Variants in LARP4B observed in about 807,000 individuals in gnomAD.
LARP4B encodes La ribonucleoprotein 4B.
LARP4B carries 12 observed loss-of-function variants against 89.8 expected under a neutral mutation model. The observed-to-expected ratio is 0.13, with a 90% CI of 0.09 to 0.22. LARP4B has a LOEUF of 0.22. Ranked by LOEUF, LARP4B falls within the 10% of genes least tolerant of loss-of-function variation. The pLI is 1.00. For synonymous variants in LARP4B, 367 were observed against 363.3 expected (o/e 1.01, Z -0.12); for missense variants, 757 against 947.7 (o/e 0.80, Z 2.64).
the LARP4B span, among the ~76,000 whole-genome samples, chr10:983,565 C>A: frequency 2.6e-5 from 4 of 152,168 alleles, no homozygotes; most frequent in African/African-American, 9.7e-5. Flanking sequence ...CTCACATGGT[C>A]TCTCCTTGGT....
chr10:906,688 T>C (rs1836502250), intron 1 of LARP4B, among the ~76,000 whole-genome samples: 1 of 152,266 alleles, frequency 6.6e-6, no homozygotes, highest in Admixed American at 6.5e-5. Flanking sequence ...GAACACCTTA[T>C]GATCCTGCAG....
At chr10:843,176 G>C in intron 6 of LARP4B, 108 bp from the exon 7 acceptor site, 1 of 1,009,712 alleles carries the variant, frequency 9.9e-7, no homozygotes. Flanking sequence ...GTATTGCTTT[G>C]GAGTTAAATC....
At chr10:892,588 G>A (rs975411556) in intron 1 of LARP4B, among the ~76,000 whole-genome samples, 4 of 151,718 alleles carry the variant, frequency 2.6e-5, no homozygotes, top group African/African-American at 9.7e-5. Flanking sequence ...TGCGCAGGCT[G>A]GAGTGCAGTG....
intron 1 of LARP4B, among the ~76,000 whole-genome samples, chr10:909,976 T>A (rs1022320406): frequency 6.6e-6 from 1 of 152,108 alleles, no homozygotes; most frequent in African/African-American, 2.4e-5. Context: ...GAAAAACAGC[T>A]TAGTGCAGTT....
At chr10:879,532 C>G (rs911186999) in intron 3 of LARP4B, among the ~76,000 whole-genome samples, 1 of 152,220 alleles carries the variant, frequency 6.6e-6, no homozygotes, top group African/African-American at 2.4e-5. Flanking sequence ...GGGTCTCCCT[C>G]TGTCACCCAG....
the LARP4B span, among the ~76,000 whole-genome samples, chr10:978,308 T>G: frequency 6.6e-6 from 1 of 152,230 alleles, no homozygotes; most frequent in African/African-American, 2.4e-5. Flanking sequence ...GAAACGAGTT[T>G]CTCTTTGTAA....
chr10:821,714 C>G (rs1832360046), intron 13 of LARP4B, among the ~76,000 whole-genome samples: 1 of 152,250 alleles, frequency 6.6e-6, no homozygotes, highest in African/African-American at 2.4e-5. Context: ...AAAAACTAGT[C>G]TTGCCTAAGA....
Position 858,184 on chromosome 10 carries a change from C to A in LARP4B, c.430+5559G>T, listed in dbSNP as rs1458870355. Among the ~76,000 whole-genome samples, 11 of 152,160 alleles carry A rather than the reference C, an allele frequency of 7.2e-5. No individual in the cohort carries two copies. The East Asian group carries it at 2.1e-3, about 29-fold the overall frequency. ...CAGTTAAAATTCCAGGCTTTCCCTG[C>A]GGTGGCCTATTAGACACACAGCCCA... is the stretch of plus-strand genomic sequence containing the variant. On this transcript the variant is annotated intron_variant, in intron 5 of 17. Coordinates refer to ENST00000316157, the MANE Select transcript of LARP4B (RefSeq NM_015155.3).
At chr10:857,167 G>C (rs1320127489) in intron 5 of LARP4B, among the ~76,000 whole-genome samples, 1 of 152,138 alleles carries the variant, frequency 6.6e-6, no homozygotes, top group Admixed American at 6.5e-5. Context: ...AGCAGAGCAA[G>C]CATTAGAACC....
At chr10:894,366 T>C (rs1836127491) in intron 1 of LARP4B, among the ~76,000 whole-genome samples, 1 of 152,204 alleles carries the variant, frequency 6.6e-6, no homozygotes, top group Non-Finnish European at 1.5e-5. Flanking sequence ...ATCCAAAATG[T>C]AGGCAAGAAA....
chr10:972,854 A>G, the LARP4B span: 2 of 456,908 alleles, frequency 4.4e-6, no homozygotes, highest in South Asian at 3.1e-5. Context: ...TTGGCATTAC[A>G]GAGAATGCTG....
intron 5 of LARP4B, among the ~76,000 whole-genome samples, chr10:857,703 T>G (rs1834380504): frequency 6.6e-6 from 1 of 152,216 alleles, no homozygotes; most frequent in Admixed American, 6.5e-5. Context: ...TCCTGCTGCC[T>G]GGTTAGTCTG....
intron 1 of LARP4B, among the ~76,000 whole-genome samples, chr10:910,376 G>A (rs769018971): frequency 1.3e-5 from 2 of 152,102 alleles, no homozygotes; most frequent in Admixed American, 6.5e-5. Context: ...GCTGACATAC[G>A]TGATGTAAGA....
At chr10:880,388 T>A (rs1029718067) in intron 3 of LARP4B, among the ~76,000 whole-genome samples, 5 of 149,020 alleles carry the variant, frequency 3.4e-5, no homozygotes, top group Non-Finnish European at 7.5e-5. Flanking sequence ...TAAAGGAGTT[T>A]AAAAAAAAAA....
intron 3 of LARP4B, among the ~76,000 whole-genome samples, chr10:874,259 A>G (rs1018164780): frequency 9.2e-5 from 14 of 152,158 alleles, no homozygotes; most frequent in Admixed American, 5.2e-4. Context: ...AAAACAAAAC[A>G]GTAGTCGAAT....
At chr10:824,978 T>A in intron 13 of LARP4B, 87 bp downstream of exon 13, 1 of 1,316,410 alleles carries the variant, frequency 7.6e-7, no homozygotes. Flanking sequence ...TGTGACATAT[T>A]TAAAGACAAT....
chr10:863,916 G>T (rs1834759257), intron 4 of LARP4B, 33 bp from the exon 5 acceptor site: 1 of 1,594,886 alleles, frequency 6.3e-7, no homozygotes, highest in East Asian at 2.2e-5. Flanking sequence ...AAAAGGCAGG[G>T]TTAGAAGCAT....
chr10:949,758 T>C, the LARP4B span, among the ~76,000 whole-genome samples: 1 of 152,256 alleles, frequency 6.6e-6, no homozygotes, highest in Non-Finnish European at 1.5e-5. Flanking sequence ...GTATCCTCTT[T>C]GGTGAAATGT....
intron 1 of LARP4B, among the ~76,000 whole-genome samples, chr10:889,885 T>C (rs1409309320): frequency 6.6e-6 from 1 of 152,154 alleles, no homozygotes; most frequent in Non-Finnish European, 1.5e-5. Flanking sequence ...GAGGTTGCAG[T>C]GAGCCGAGAT....
Sources: allele counts gnomAD v4.1 joint callset (sites outside exome capture counted in the v4.1 genomes callset), GRCh38; gene constraint gnomAD v4.1.1; transcripts MANE v1.5; gene names NCBI Gene and HGNC (gene_info 2026-07-23, HGNC 2026-07-21).